Variants in KANSL3 observed in about 807,000 individuals in gnomAD.
KANSL3 encodes KAT8 regulatory NSL complex subunit 3.
Under a neutral mutation model 89.2 loss-of-function variants are expected in KANSL3, and 16 were observed. The ratio of observed to expected loss-of-function variants is 0.18; its 90% confidence interval spans 0.12 to 0.27. The LOEUF (loss-of-function observed/expected upper bound fraction) is 0.27. Among genes scored for constraint, KANSL3 ranks in the 10% least tolerant of loss-of-function variants. The pLI is 1.00. For synonymous variants in KANSL3, 385 were observed against 419.7 expected, an observed-to-expected ratio of 0.92 and a Z score of 1.01; for missense variants, 879 against 1,110.6, an observed-to-expected ratio of 0.79 and a Z score of 2.96.
intron 3 of KANSL3, among the ~76,000 whole-genome samples, chr2:96,627,504 T>G (rs1250385552): frequency 6.6e-6 from 1 of 152,174 alleles, no homozygotes; most frequent in Admixed American, 6.5e-5. Context: ...CGAGAGCTAC[T>G]GCGCCTAGCC....
rs2066453546 is a variant in KANSL3 at position 96,595,519 on chromosome 2, G to A, written c.*92C>T. On this transcript the variant is annotated 3_prime_UTR_variant, in exon 21 of 21. Transcript: ENST00000431828. The stretch of plus-strand genomic sequence containing the variant: ...CTGTCTTAAACAGGTCTTCCGACAC[G>A]TGGACAGCTCAGCAGGACCACACAC... 7.1e-6 allele frequency: 10 copies of A among 1,404,474 alleles called. No individual in the cohort carries two copies. Among genetic ancestry groups the A allele is most frequent in the South Asian group, 3.6e-5 (3 of 82,386 alleles). The allele number at this position is 1,404,474 out of a possible 1,614,324, so 87.0% of individuals were successfully genotyped here. A position where few individuals can be genotyped will look rare whatever the true frequency, so the allele number is the denominator to read the frequency against.
chr2:96,600,542 AG>A (rs1294767917), intron 20 of KANSL3: 2 of 985,340 alleles, frequency 2.0e-6, no homozygotes, highest in Admixed American at 6.1e-5. Flanking sequence ...AGAATGGCTC[AG>A]GAACTATCAC....
At chr2:96,607,413 C>T (rs2068166074) in intron 14 of KANSL3, among the ~76,000 whole-genome samples, 1 of 152,220 alleles carries the variant, frequency 6.6e-6, no homozygotes, top group Non-Finnish European at 1.5e-5. Flanking sequence ...ATCCCCATTT[C>T]AAACCCAGCT....
chr2:96,617,110 G>T (rs1441895047), intron 5 of KANSL3, among the ~76,000 whole-genome samples: 1 of 152,162 alleles, frequency 6.6e-6, no homozygotes, highest in African/African-American at 2.4e-5. Flanking sequence ...CTGTCTGCCA[G>T]GATCCAGTCT....
Position 96,608,580 on chromosome 2 carries a change from T to A in KANSL3, c.1669A>T (p.Ile557Phe). 3 of 1,614,032 alleles carry A rather than the reference T, an allele frequency of 1.9e-6. No individual in the cohort carries two copies. Among genetic ancestry groups the A allele is most frequent in the Non-Finnish European group, 2.5e-6 (3 of 1,179,884 alleles). ...CTCTTCAGCAGCTGAGAACTTCCAATCTGACTGGACTTCTGGGCAGAGGTC... is the reference window on the plus strand; with the variant it reads ...CTCTTCAGCAGCTGAGAACTTCCAAACTGACTGGACTTCTGGGCAGAGGTC... ...TVTSAQKSSQ[I>F]GSSQLLKRHV... is the part of the protein sequence containing the mutation. Residue 557 changes from isoleucine to phenylalanine, a missense_variant, in exon 14 of 21, where the codon ATT becomes TTT. By Grantham distance (21) the Ile-to-Phe change is conservative. Around this residue, in one of 6 missense-constraint regions of KANSL3, gnomAD observed 317 missense variants for 311.2 expected, o/e 1.02. Transcript: ENST00000431828.
At position 96,621,375 on chromosome 2, in the gene KANSL3, G is replaced by A. The variant is rs536084826; in HGVS notation, c.387-1613C>T. Among the ~76,000 whole-genome samples the A allele has an allele frequency of 1.1e-4, 17 of 152,092 alleles. No homozygotes were observed. In the South Asian group the frequency reaches 2.9e-3, roughly 26 times the overall value. ...CTAAAAATACAAAAATTAGCTGGGCGTGGTGGCATGCGCCTGTAGTCCCAG... is the reference window on the plus strand; with the variant it reads ...CTAAAAATACAAAAATTAGCTGGGCATGGTGGCATGCGCCTGTAGTCCCAG... On this transcript the variant is annotated intron_variant, in intron 3 of 20. Coordinates refer to ENST00000431828, the MANE Select transcript of KANSL3 (RefSeq NM_001115016.3).
At chr2:96,600,312 G>T in intron 20 of KANSL3, 2 of 487,912 alleles carry the variant, frequency 4.1e-6, no homozygotes, top group Non-Finnish European at 5.3e-6. Context: ...TCTAGGAGTA[G>T]CATCATGGGA....
At chr2:96,608,789 A>T in intron 13 of KANSL3, 75 bp downstream of exon 13, 1 of 1,520,540 alleles carries the variant, frequency 6.6e-7, no homozygotes, top group South Asian at 1.3e-5. Flanking sequence ...AGACAGAGGC[A>T]TCCCCAGGAA....
At chr2:96,624,437 C>T (rs2071908901) in intron 3 of KANSL3, among the ~76,000 whole-genome samples, 1 of 152,190 alleles carries the variant, frequency 6.6e-6, no homozygotes, top group South Asian at 2.1e-4. Context: ...TTAGGTTGTG[C>T]ATTTTTTATT....
chr2:96,595,569 G>T lies in KANSL3; in HGVS notation c.*42C>A, dbSNP rs1193110904. The T allele has an allele frequency of 6.2e-7, 1 of 1,612,100 alleles. No homozygotes were observed. Among genetic ancestry groups the T allele is most frequent in the Admixed American group, 1.7e-5 (1 of 59,888 alleles). ...CCTGTCCAGGGCCCACCATGAGGCAGCCATCACCAACTTGGTAAGGAGGAC... is the reference window on the plus strand; with the variant it reads ...CCTGTCCAGGGCCCACCATGAGGCATCCATCACCAACTTGGTAAGGAGGAC... On this transcript the variant is annotated 3_prime_UTR_variant, in exon 21 of 21. Coordinates refer to ENST00000431828, the MANE Select transcript of KANSL3 (RefSeq NM_001115016.3).
intron 1 of KANSL3, 25 bp from the exon 2 acceptor site, chr2:96,637,210 G>A: frequency 1.1e-6 from 1 of 934,976 alleles, no homozygotes; most frequent in East Asian, 2.6e-5. Context: ...TTCAGTTTAG[G>A]TCAATTCCAA....
intron 2 of KANSL3, among the ~76,000 whole-genome samples, chr2:96,635,031 A>G (rs189595868): frequency 6.6e-6 from 1 of 152,150 alleles, no homozygotes; most frequent in Admixed American, 6.5e-5. Context: ...AGTCATCTAT[A>G]TTTCTCCATT....
chr2:96,627,717 T>C (rs943878489), intron 3 of KANSL3, among the ~76,000 whole-genome samples: 4 of 152,148 alleles, frequency 2.6e-5, no homozygotes, highest in African/African-American at 9.7e-5. Context: ...TTTACATGAC[T>C]TTATATAAGA....
At chr2:96,615,385 G>T in intron 5 of KANSL3, 1 of 404,332 alleles carries the variant, frequency 2.5e-6, no homozygotes, top group Non-Finnish European at 4.2e-6. Flanking sequence ...TATATATCCT[G>T]CTATACTATA....
chr2:96,635,446 T>C (rs889229079), intron 2 of KANSL3, among the ~76,000 whole-genome samples: 1 of 152,178 alleles, frequency 6.6e-6, no homozygotes, highest in Non-Finnish European at 1.5e-5. Flanking sequence ...AATCTCACTT[T>C]AAGAAAATGT....
At chr2:96,602,994 A>C in intron 17 of KANSL3, 132 bp from the exon 18 acceptor site, 1 of 735,884 alleles carries the variant, frequency 1.4e-6, no homozygotes, top group Non-Finnish European at 2.2e-6. Flanking sequence ...GTCCTCAGAG[A>C]GAAGGCAGGA....
chr2:96,615,468 G>C, intron 5 of KANSL3: 2 of 1,243,648 alleles, frequency 1.6e-6, no homozygotes, highest in Non-Finnish European at 2.1e-6. Flanking sequence ...TGCAAATATA[G>C]GTTTCAGACA....
chr2:96,621,748 G>A (rs1018598185), intron 3 of KANSL3, among the ~76,000 whole-genome samples: 1 of 152,010 alleles, frequency 6.6e-6, no homozygotes, highest in South Asian at 2.1e-4. Flanking sequence ...AAATTAATAA[G>A]AAAAAGATGA....
chr2:96,604,517 C>G (rs2067676350), intron 16 of KANSL3, 137 bp from the exon 17 acceptor site: 1 of 1,070,098 alleles, frequency 9.3e-7, no homozygotes. Context: ...CTTCTTTGTC[C>G]CACTTTCTGT....
Sources: gnomAD v4.1 joint callset for allele counts (sites outside exome capture counted in the v4.1 genomes callset) on GRCh38, gnomAD v4.1.1 for gene constraint, gnomAD v4.1.1 regional missense constraint, MANE v1.5 for transcripts, NCBI Gene and HGNC (gene_info 2026-07-23, HGNC 2026-07-21) for gene names.